The following UCHL3 variants were observed in gnomAD, a reference collection of about 807,000 sequenced individuals.
UCHL3 encodes the protein ubiquitin C-terminal hydrolase L3, also known as ubiquitin carboxyl-terminal hydrolase isozyme L3.
In UCHL3, 22 loss-of-function variants were observed where a neutral mutation model predicts 35.8. The ratio of observed to expected loss-of-function variants is 0.61; its 90% CI spans 0.44 to 0.88. UCHL3 has a LOEUF of 0.88. UCHL3 is among the 40% of genes least tolerant of loss of function. The pLI is 0.00. For missense variants in UCHL3, 229 were observed against 276.9 expected (o/e 0.83, Z 1.23); for synonymous variants, 90 against 92.8 (o/e 0.97, Z 0.17).
intron 2 of UCHL3, among the ~76,000 whole-genome samples, chr13:75,553,001 C>T (rs778835624): frequency 2.7e-4 from 41 of 152,174 alleles, no homozygotes; most frequent in African/African-American, 8.2e-4. Flanking sequence ...TATTTTCTAG[C>T]GTAATACCGA....
chr13:75,592,468 G>GTATATAC (rs1201744829), intron 6 of UCHL3, among the ~76,000 whole-genome samples: 10 of 23,282 alleles, frequency 4.3e-4, no homozygotes, highest in Non-Finnish European at 5.6e-4. Context: ...ATATATATAT[G>GTATATAC]AAGGAAAAAA....
At chr13:75,574,292 A>G (rs2031956299) in intron 6 of UCHL3, among the ~76,000 whole-genome samples, 2 of 150,334 alleles carry the variant, frequency 1.3e-5, no homozygotes, top group African/African-American at 4.9e-5. Flanking sequence ...ATTTTTTTTT[A>G]TGATAAAATC....
chr13:75,605,977 A>G lies in UCHL3; in HGVS notation c.*165A>G, dbSNP rs1219055560. ...TTTATGTTATTTTTGCTCCAGGTTA[A>G]AGGTGCAATGCTTTCCTCCTCTTTT... On this transcript the variant is annotated 3_prime_UTR_variant, in exon 9 of 9. Transcript: ENST00000377595. 3.3e-6 allele frequency: 2 copies of G among 602,336 alleles called. No homozygotes were observed. The highest frequency in any genetic ancestry group is 5.8e-6 in the Non-Finnish European group (2 of 346,438). The allele number at this position is 602,336 out of a possible 1,614,324, so 37.3% of individuals were successfully genotyped here.
chr13:75,601,471 C>A (rs965008431), intron 7 of UCHL3, among the ~76,000 whole-genome samples: 5 of 152,310 alleles, frequency 3.3e-5, no homozygotes, highest in Non-Finnish European at 7.3e-5. Flanking sequence ...CAGGAGATAT[C>A]AACATCAAAG....
chr13:75,553,416 A>G (rs2031183094), intron 2 of UCHL3, among the ~76,000 whole-genome samples: 1 of 152,036 alleles, frequency 6.6e-6, no homozygotes, highest in African/African-American at 2.4e-5. Flanking sequence ...CTGTCACCAT[A>G]TTTCTTGACC....
intron 3 of UCHL3, 36 bp downstream of exon 3, chr13:75,560,917 T>C (rs1458743417): frequency 8.1e-6 from 12 of 1,482,232 alleles, no homozygotes; most frequent in South Asian, 7.2e-5. Flanking sequence ...TTCTGGTAAA[T>C]ACAATTTTTG....
At chr13:75,579,733 A>C (rs566018074) in intron 6 of UCHL3, among the ~76,000 whole-genome samples, 4 of 152,192 alleles carry the variant, frequency 2.6e-5, no homozygotes, top group African/African-American at 2.4e-5. Flanking sequence ...TGCTTTCAGC[A>C]ATAAAAATAG....
At chr13:75,592,458 ATATATATATG>A (rs2032533838) in intron 6 of UCHL3, among the ~76,000 whole-genome samples, 1 of 117,620 alleles carries the variant, frequency 8.5e-6, no homozygotes, top group African/African-American at 3.1e-5. Context: ...ATATATATAT[ATATATATATG>A]AAGGAAAAAA....
intron 2 of UCHL3, among the ~76,000 whole-genome samples, chr13:75,556,483 T>A (rs2031296668): frequency 6.6e-6 from 1 of 152,224 alleles, no homozygotes; most frequent in Non-Finnish European, 1.5e-5. Flanking sequence ...AATCTCTGGC[T>A]GCCCTGAACA....
Position 75,566,751 on chromosome 13 carries a change from T to C in UCHL3, c.240T>C (p.Val80=). 1 of 1,609,258 alleles carries C rather than the reference T, an allele frequency of 6.2e-7. No homozygotes were observed. ...AAATAAAATCTCAGGGACAAGATGT[T>C]ACATCATCAGTATATTTCATGAAGC... ...EEKIKSQGQD[V]TSSVYFMKQT... Residue 80 remains valine (V), a synonymous_variant, in exon 4 of 9, where the codon GTT becomes GTC. Transcript: ENST00000377595.
chr13:75,596,258 C>A (rs2032643516), intron 7 of UCHL3, among the ~76,000 whole-genome samples: 1 of 152,180 alleles, frequency 6.6e-6, no homozygotes, highest in Non-Finnish European at 1.5e-5. Flanking sequence ...ATGTGCAACC[C>A]TGAGCGTTGT....
chr13:75,586,932 T>G (rs2032338675), intron 6 of UCHL3, among the ~76,000 whole-genome samples: 1 of 144,880 alleles, frequency 6.9e-6, no homozygotes, highest in African/African-American at 2.6e-5. Flanking sequence ...AAACAGAGGT[T>G]AGAGGGAAAC....
At chr13:75,586,057 C>T (rs1023778733) in intron 6 of UCHL3, among the ~76,000 whole-genome samples, 1 of 151,896 alleles carries the variant, frequency 6.6e-6, no homozygotes, top group Non-Finnish European at 1.5e-5. Flanking sequence ...TGTCTATAAA[C>T]CCTCAAATTG....
In UCHL3 at chr13:75,594,555, C is replaced by T. The variant is rs116003974; in HGVS notation, c.475-360C>T. On this transcript the variant is annotated intron_variant, in intron 6 of 8. Coordinates refer to ENST00000377595, the MANE Select transcript of UCHL3 (RefSeq NM_006002.5). ...ACTTTCTTATTTCAAATTTTAAAAA[C>T]TCATACATATCAGTTCATGTATTCA... Among the ~76,000 whole-genome samples, 835 of 150,328 alleles carry T rather than the reference C, an allele frequency of 5.6e-3. 7 individuals are homozygous for T. Among genetic ancestry groups the T allele is most frequent in the African/African-American group, 0.018 (745 of 40,830 alleles).
chr13:75,595,520 A>G (rs1593763697), intron 7 of UCHL3, among the ~76,000 whole-genome samples: 1 of 137,510 alleles, frequency 7.3e-6, no homozygotes, highest in Non-Finnish European at 1.5e-5. Flanking sequence ...TCGCTTGAAC[A>G]CAGGAGGTGG....
chr13:75,559,160 C>T (rs1593975661), intron 2 of UCHL3, among the ~76,000 whole-genome samples: 1 of 151,162 alleles, frequency 6.6e-6, no homozygotes, highest in East Asian at 2.0e-4. Context: ...CTGCCTTAGC[C>T]TCCCGAGTAG....
At position 75,555,685 on chromosome 13, in the gene UCHL3, C is replaced by T. The variant is rs145502012; in HGVS notation, c.55-5068C>T. ...ACAAAATCTGCTTTCCCGTAACTTT[C>T]TCCAGTTGTCTATCATTCTCATTGA... is the stretch of plus-strand genomic sequence containing the variant. On this transcript the variant is annotated intron_variant, in intron 2 of 8. Transcript: ENST00000377595. 4.1e-4 allele frequency among the ~76,000 whole-genome samples: 62 copies of T among 152,142 alleles called. 1 individual carries two copies. The highest frequency in any genetic ancestry group is 6.3e-4 in the Non-Finnish European group (43 of 68,000).
chr13:75,585,342 C>T (rs1334691484), intron 6 of UCHL3, among the ~76,000 whole-genome samples: 1 of 152,124 alleles, frequency 6.6e-6, no homozygotes, highest in Non-Finnish European at 1.5e-5. Flanking sequence ...ACTAAGAATT[C>T]ATAAGAATTA....
upstream of UCHL3, chr13:75,549,581 T>C: frequency 2.2e-6 from 1 of 456,472 alleles, no homozygotes; most frequent in Non-Finnish European, 3.8e-6. Flanking sequence ...TCTCCCGAAA[T>C]AGGAAATTGG....
Sources: allele counts gnomAD v4.1 joint callset (sites outside exome capture counted in the v4.1 genomes callset), GRCh38; gene constraint gnomAD v4.1.1; transcripts MANE v1.5; gene names NCBI Gene and HGNC (gene_info 2026-07-23, HGNC 2026-07-21).